The following ICA1 variants were observed in gnomAD, a reference collection of about 807,000 sequenced individuals.
ICA1 encodes the protein 69 kDa islet cell autoantigen.
Under a neutral mutation model 71.0 loss-of-function variants are expected in ICA1, and 40 were observed. The observed-to-expected ratio is 0.56, with a 90% CI of 0.44 to 0.73. The LOEUF (loss-of-function observed/expected upper bound fraction) is 0.73, where lower values mean the gene tolerates loss of function less well. Among genes scored for constraint, ICA1 ranks in the 30% least tolerant of loss-of-function variants. ICA1 has a pLI of 0.00. For synonymous variants in ICA1, 207 were observed against 209.5 expected, an observed-to-expected ratio of 0.99 and a Z score of 0.10; for missense variants, 578 against 576.5, an observed-to-expected ratio of 1.00 and a Z score of -0.03.
chr7:8,198,960 GAC>G (rs1434436721), intron 6 of ICA1, among the ~76,000 whole-genome samples: 1 of 152,196 alleles, frequency 6.6e-6, no homozygotes, highest in Admixed American at 6.5e-5. Flanking sequence ...CATTTCTCAA[GAC>G]ACAGAAATGG....
chr7:8,237,835 C>CAA lies in ICA1; in HGVS notation c.-79-1831_-79-1830insTT, dbSNP rs1554373647. ...TTGAAGACAGACACACACACACACA[C>CAA]ACACACACACACACACACCATTTTC... On this transcript the variant is annotated intron_variant, in intron 1 of 13. Transcript: ENST00000402384. Among the ~76,000 whole-genome samples the CAA allele has an allele frequency of 2.8e-3, 426 of 151,850 alleles. 3 individuals carry two copies. Among genetic ancestry groups the CAA allele is most frequent in the African/African-American group, 0.01 (415 of 41,370 alleles).
At chr7:8,251,187 C>T (rs2128526487) in intron 1 of ICA1, among the ~76,000 whole-genome samples, 1 of 152,152 alleles carries the variant, frequency 6.6e-6, no homozygotes, top group Non-Finnish European at 1.5e-5. Context: ...TGTGCCCAGC[C>T]AGATATTTTT....
intron 1 of ICA1, among the ~76,000 whole-genome samples, chr7:8,247,785 C>A (rs567981103): frequency 1.3e-5 from 2 of 152,312 alleles, no homozygotes; most frequent in East Asian, 1.9e-4. Flanking sequence ...TTCTTCAAGG[C>A]AGTGAAGTTA....
rs541863254 is a variant in ICA1, at chr7:8,132,192, C to A, written c.1061-4050G>T. Among the ~76,000 whole-genome samples the A allele has an allele frequency of 3.0e-4, 46 of 152,330 alleles. No individual in the cohort carries two copies. The Middle Eastern group carries it at 0.014, about 45-fold the overall frequency. ...CAACTCCGTGACCTTGCAGGCATTG[C>A]CTCTCCTTTCTAAGATAAGCCCTCT... On this transcript the variant is annotated intron_variant, in intron 12 of 13. Coordinates refer to ENST00000402384, the MANE Select transcript of ICA1 (RefSeq NM_001136020.3). This position sits in a 1 kb window ranked among gnomAD's most constrained non-coding sequence, Gnocchi z 4.5.
intron 1 of ICA1, among the ~76,000 whole-genome samples, chr7:8,258,234 G>C (rs938363442): frequency 6.6e-6 from 1 of 152,180 alleles, no homozygotes; most frequent in Non-Finnish European, 1.5e-5. Flanking sequence ...GCATGGTGGG[G>C]TCTGAGTCTT....
At chr7:8,208,107 T>A (rs1001759435) in intron 6 of ICA1, among the ~76,000 whole-genome samples, 1 of 152,186 alleles carries the variant, frequency 6.6e-6, no homozygotes, top group African/African-American at 2.4e-5. Flanking sequence ...GAACACAAGT[T>A]TTTCCTAAAG....
intron 1 of ICA1, among the ~76,000 whole-genome samples, chr7:8,248,727 T>C (rs1456854549): frequency 6.6e-6 from 1 of 151,940 alleles, no homozygotes; most frequent in African/African-American, 2.4e-5. Flanking sequence ...TCCCTCAACC[T>C]CTCGAAAGAA....
At chr7:8,235,855 CA>C in intron 2 of ICA1, 54 bp downstream of exon 2, 1 of 1,552,534 alleles carries the variant, frequency 6.4e-7, no homozygotes, top group Non-Finnish European at 8.9e-7. Context: ...GTTTATTGAT[CA>C]TATGCTATAT....
chr7:8,159,639 G>A (rs1802985061), intron 6 of ICA1, among the ~76,000 whole-genome samples: 1 of 152,152 alleles, frequency 6.6e-6, no homozygotes, highest in South Asian at 2.1e-4. Flanking sequence ...GGTGGAGGTT[G>A]CAGTGAGCCA....
Position 8,221,408 on chromosome 7 carries a change from A to T in ICA1, c.257-10T>A. 1 of 1,612,880 alleles carries T rather than the reference A, an allele frequency of 6.2e-7. No homozygotes were observed. Among genetic ancestry groups the T allele is most frequent in the Non-Finnish European group, 8.5e-7 (1 of 1,179,150 alleles). On this transcript the variant is annotated splice_polypyrimidine_tract_variant and intron_variant, in intron 4 of 13. Transcript: ENST00000402384. ...TCTTCTTGAGACAAGACTGATGAAG[A>T]AAAGACCAAAAGGAGCCATGAACAA...
At chr7:8,175,345 C>T (rs368257117) in intron 6 of ICA1, among the ~76,000 whole-genome samples, 1 of 152,124 alleles carries the variant, frequency 6.6e-6, no homozygotes, top group Non-Finnish European at 1.5e-5. Flanking sequence ...ATGTGGTTGT[C>T]ATTTTACTTC....
chr7:8,190,350 T>A (rs1785190354), intron 6 of ICA1, among the ~76,000 whole-genome samples: 1 of 152,172 alleles, frequency 6.6e-6, no homozygotes, highest in East Asian at 1.9e-4. Context: ...AGATGATCTC[T>A]TTCCTTCCTC....
At chr7:8,257,587 A>G (rs1219342751) in intron 1 of ICA1, among the ~76,000 whole-genome samples, 1 of 152,198 alleles carries the variant, frequency 6.6e-6, no homozygotes, top group Non-Finnish European at 1.5e-5. Flanking sequence ...GAACACATAT[A>G]CCTCATATTT....
Position 8,175,385 on chromosome 7 carries a change from C to A in ICA1, c.580-16733G>T, listed in dbSNP as rs190843903. On this transcript the variant is annotated intron_variant, in intron 6 of 13. Transcript: ENST00000402384. ...CCTCCTAAACATTCATTTTAAACTC[C>A]AACAATTCAGTGATAATAAATAAGC... Among the ~76,000 whole-genome samples, 3 of 152,230 alleles carry A rather than the reference C, an allele frequency of 2.0e-5. No homozygotes were observed. In the East Asian group the frequency reaches 5.8e-4, roughly 29 times the overall value.
chr7:8,146,748 T>C (rs1229743628), intron 8 of ICA1, among the ~76,000 whole-genome samples: 234 of 149,638 alleles, frequency 1.6e-3, no homozygotes, highest in Non-Finnish European at 2.7e-3. Flanking sequence ...TGTGCGTGTG[T>C]GTGTGTGTGT....
intron 1 of ICA1, among the ~76,000 whole-genome samples, chr7:8,258,898 G>T (rs1291120088): frequency 6.6e-6 from 1 of 152,230 alleles, no homozygotes; most frequent in Non-Finnish European, 1.5e-5. Flanking sequence ...TTATCAGACA[G>T]ATGGAGATTA....
intron 1 of ICA1, among the ~76,000 whole-genome samples, chr7:8,242,468 G>T (rs1449795898): frequency 6.6e-6 from 1 of 152,154 alleles, no homozygotes; most frequent in Non-Finnish European, 1.5e-5. Flanking sequence ...AAGCAGGAAA[G>T]ATCTAAAATT....
intron 13 of ICA1, among the ~76,000 whole-genome samples, chr7:8,122,460 A>G (rs1379510951): frequency 6.6e-6 from 1 of 152,266 alleles, no homozygotes. Flanking sequence ...TCTGGGGACT[A>G]AATTCTGCAG....
intron 6 of ICA1, among the ~76,000 whole-genome samples, chr7:8,206,177 C>G (rs555838986): frequency 2.3e-4 from 35 of 152,310 alleles, no homozygotes; most frequent in African/African-American, 7.5e-4. Context: ...TTGAAGTTCT[C>G]CTAGAACAGT....
Sources: allele counts gnomAD v4.1 joint callset (sites outside exome capture counted in the v4.1 genomes callset), GRCh38; gene constraint gnomAD v4.1.1; non-coding constraint Gnocchi (gnomAD v3.1); transcripts MANE v1.5; gene names NCBI Gene and HGNC (gene_info 2026-07-23, HGNC 2026-07-21).